FAM135B: variants seen among roughly 807,000 people sequenced by gnomAD.
The protein encoded by FAM135B is family with sequence similarity 135 member B.
Under a neutral mutation model 127.7 loss-of-function variants are expected in FAM135B, and 43 were observed. The ratio of observed to expected loss-of-function variants is 0.34; its 90% CI spans 0.26 to 0.43. FAM135B has a LOEUF of 0.43. FAM135B is among the 20% of genes least tolerant of loss of function. The pLI, the probability that FAM135B is intolerant of heterozygous loss-of-function variation, is 1.00. For synonymous variants in FAM135B, 670 were observed against 665.1 expected, an observed-to-expected ratio of 1.01 and a Z score of -0.11; for missense variants, 1,558 against 1,725.6, an observed-to-expected ratio of 0.90 and a Z score of 1.72.
chr8:138,477,803 C>T (rs777950783), intron 1 of FAM135B, among the ~76,000 whole-genome samples: 14 of 152,168 alleles, frequency 9.2e-5, no homozygotes, highest in Non-Finnish European at 1.9e-4. Context: ...TGTCCTGATT[C>T]AAAGAAATAA....
intron 1 of FAM135B, among the ~76,000 whole-genome samples, chr8:138,414,521 C>A (rs951577468): frequency 1.3e-5 from 2 of 152,048 alleles, no homozygotes; most frequent in African/African-American, 4.8e-5. Context: ...AATAGTTTAT[C>A]CTTAATTTTA....
At chr8:138,149,136 A>G (rs953330180) in intron 13 of FAM135B, among the ~76,000 whole-genome samples, 31 of 127,612 alleles carry the variant, frequency 2.4e-4, no homozygotes, top group African/African-American at 1.0e-3. Context: ...TAATAATAAA[A>G]AAATAAATAA....
At chr8:138,247,686 C>T (rs942372311) in intron 6 of FAM135B, among the ~76,000 whole-genome samples, 7 of 152,190 alleles carry the variant, frequency 4.6e-5, no homozygotes, top group Non-Finnish European at 2.9e-5. Flanking sequence ...CATCACCAAA[C>T]CGGCCTCCAA....
chr8:138,252,517 A>T (rs992675360), intron 5 of FAM135B, among the ~76,000 whole-genome samples: 8 of 152,188 alleles, frequency 5.3e-5, no homozygotes, highest in African/African-American at 1.4e-4. Flanking sequence ...ACAAGAATTT[A>T]AGCCACATTA....
intron 2 of FAM135B, among the ~76,000 whole-genome samples, chr8:138,351,506 G>A (rs1028959804): frequency 6.6e-6 from 1 of 152,004 alleles, no homozygotes; most frequent in Non-Finnish European, 1.5e-5. Flanking sequence ...GGCATGGAAC[G>A]GATCCTCGCA....
chr8:138,490,407 C>A (rs894318167), intron 1 of FAM135B, among the ~76,000 whole-genome samples: 2 of 152,190 alleles, frequency 1.3e-5, no homozygotes, highest in Admixed American at 1.3e-4. Flanking sequence ...CAGGGACCTG[C>A]AGGGCCCATC....
intron 3 of FAM135B, among the ~76,000 whole-genome samples, chr8:138,285,744 T>C (rs534714121): frequency 4.6e-5 from 7 of 152,374 alleles, no homozygotes; most frequent in Admixed American, 4.6e-4. Context: ...TATTGTGTCT[T>C]AAACTTTAAC....
intron 11 of FAM135B, among the ~76,000 whole-genome samples, chr8:138,172,919 C>G (rs553571039): frequency 6.6e-6 from 1 of 152,314 alleles, no homozygotes; most frequent in East Asian, 1.9e-4. Flanking sequence ...AGAAGCCACA[C>G]AAGTGGGGAG....
chr8:138,350,931 C>T (rs1829736498), intron 2 of FAM135B, among the ~76,000 whole-genome samples: 1 of 152,144 alleles, frequency 6.6e-6, no homozygotes, highest in Non-Finnish European at 1.5e-5. Flanking sequence ...AACCTGCTTA[C>T]CTCCCCAAAG....
chr8:138,361,840 T>G (rs1201276717), intron 2 of FAM135B, among the ~76,000 whole-genome samples: 1 of 152,168 alleles, frequency 6.6e-6, no homozygotes, highest in Non-Finnish European at 1.5e-5. Flanking sequence ...GTTATTTCAC[T>G]CCGAGACATC....
At chr8:138,234,484 G>T (rs930850681) in intron 7 of FAM135B, among the ~76,000 whole-genome samples, 1 of 152,204 alleles carries the variant, frequency 6.6e-6, no homozygotes, top group Admixed American at 6.5e-5. Flanking sequence ...ATCAGTGAAT[G>T]AGTGGATGAA....
chr8:138,262,999 G>A (rs1277398776), intron 4 of FAM135B, among the ~76,000 whole-genome samples: 1 of 151,064 alleles, frequency 6.6e-6, no homozygotes, highest in Non-Finnish European at 1.5e-5. Flanking sequence ...GAGTCAAGCA[G>A]AGACAGCGGT....
chr8:138,344,118 G>C (rs1312014998), intron 2 of FAM135B, among the ~76,000 whole-genome samples: 1 of 152,238 alleles, frequency 6.6e-6, no homozygotes, highest in Non-Finnish European at 1.5e-5. Flanking sequence ...CTGGACGGCA[G>C]CAGTGAAGAT....
intron 1 of FAM135B, among the ~76,000 whole-genome samples, chr8:138,482,061 G>A (rs1216487806): frequency 6.6e-6 from 1 of 152,178 alleles, no homozygotes; most frequent in Middle Eastern, 3.2e-3. Context: ...TAGGGCAGAG[G>A]AGTCCATACC....
chr8:138,316,492 T>TCAAAAAA (rs766682782), intron 2 of FAM135B, among the ~76,000 whole-genome samples: 6 of 148,366 alleles, frequency 4.0e-5, no homozygotes, highest in Admixed American at 6.6e-5. Context: ...AGACTCCGTC[T>TCAAAAAA]CAAAAAACAA....
Position 138,241,109 on chromosome 8 carries a change from T to C in FAM135B, c.669+1833A>G, listed in dbSNP as rs1458766432. ...CATAGGGAGAAGCTGAACTGTGATG[T>C]AGTCACAGCAAAGGCTTCGGCCGAC... On this transcript the variant is annotated intron_variant, in intron 7 of 19. Transcript: ENST00000395297. This position sits in a 1 kb window ranked among gnomAD's most constrained non-coding sequence, Gnocchi z 4.8. 3.3e-5 allele frequency among the ~76,000 whole-genome samples: 5 copies of C among 152,134 alleles called. 1 individual carries two copies. The highest frequency in any genetic ancestry group is 1.3e-4 in the Admixed American group (2 of 15,284).
At chr8:138,165,079 T>G (rs1283041575) in intron 12 of FAM135B, among the ~76,000 whole-genome samples, 3 of 151,566 alleles carry the variant, frequency 2.0e-5, no homozygotes, top group Non-Finnish European at 4.4e-5. Context: ...TATTGCAGGA[T>G]GGAGGCGCAG....
intron 2 of FAM135B, among the ~76,000 whole-genome samples, chr8:138,339,377 ATATATATT>A (rs1828873584): frequency 1.1e-5 from 1 of 90,342 alleles, no homozygotes; most frequent in South Asian, 3.9e-4. Flanking sequence ...ATATATATAT[ATATATATT>A]TTAAAATCTC....
chr8:138,145,254 G>T (rs548406847), intron 15 of FAM135B, among the ~76,000 whole-genome samples: 74 of 152,250 alleles, frequency 4.9e-4, no homozygotes, highest in African/African-American at 1.6e-3. Context: ...AGGCTCAAGC[G>T]ATCTCACTGC....
Sources: allele counts gnomAD v4.1 joint callset (sites outside exome capture counted in the v4.1 genomes callset), GRCh38; gene constraint gnomAD v4.1.1; non-coding constraint Gnocchi (gnomAD v3.1); transcripts MANE v1.5; gene names NCBI Gene and HGNC (gene_info 2026-07-23, HGNC 2026-07-21).